ARHGAP24: variants seen among roughly 807,000 people sequenced by gnomAD.
ARHGAP24 encodes the protein rho GTPase-activating protein 24.
ARHGAP24 carries 50 observed loss-of-function variants against 76.4 expected under a neutral mutation model. The ratio of observed to expected loss-of-function variants is 0.65; its 90% CI spans 0.52 to 0.83. The LOEUF is 0.83. Ranked by LOEUF, ARHGAP24 falls within the 40% of genes least tolerant of loss-of-function variation. The pLI, the probability that ARHGAP24 is intolerant of heterozygous loss-of-function variation, is 0.00. For missense variants in ARHGAP24, 930 were observed against 914.2 expected, an observed-to-expected ratio of 1.02 and a Z score of -0.22; for synonymous variants, 345 against 323.3, an observed-to-expected ratio of 1.07 and a Z score of -0.72.
intron 3 of ARHGAP24, among the ~76,000 whole-genome samples, chr4:85,822,872 G>T (rs1431778142): frequency 6.6e-6 from 1 of 152,094 alleles, no homozygotes; most frequent in Non-Finnish European, 1.5e-5. Flanking sequence ...GAAGTCCAAA[G>T]TACACTATAT....
intron 3 of ARHGAP24, among the ~76,000 whole-genome samples, chr4:85,777,070 G>A (rs1226933345): frequency 6.6e-6 from 1 of 152,096 alleles, no homozygotes; most frequent in East Asian, 1.9e-4. Flanking sequence ...CTGTCATTGT[G>A]TCAAAAACCA....
At chr4:85,754,606 A>C (rs1439096083) in intron 3 of ARHGAP24, among the ~76,000 whole-genome samples, 4 of 152,232 alleles carry the variant, frequency 2.6e-5, no homozygotes, top group East Asian at 1.9e-4. Context: ...TCCCACTTAG[A>C]ATTCTGGGAA....
intron 2 of ARHGAP24, among the ~76,000 whole-genome samples, chr4:85,586,168 A>G (rs796265433): frequency 1.6e-4 from 24 of 152,058 alleles, no homozygotes; most frequent in South Asian, 6.2e-4. Context: ...CTTTTAGCCA[A>G]TTGCTATGGT....
At chr4:85,857,460 G>C (rs894133113) in intron 3 of ARHGAP24, among the ~76,000 whole-genome samples, 1 of 152,198 alleles carries the variant, frequency 6.6e-6, no homozygotes, top group Non-Finnish European at 1.5e-5. Flanking sequence ...TTAAGAAAGT[G>C]TGGGTTATCA....
chr4:85,612,284 G>A (rs1036275740), intron 2 of ARHGAP24, among the ~76,000 whole-genome samples: 11 of 152,094 alleles, frequency 7.2e-5, no homozygotes, highest in African/African-American at 2.4e-4. Flanking sequence ...GGGCGTGGTG[G>A]TGGGCGCCTG....
At chr4:85,618,780 A>G (rs1161906736) in intron 2 of ARHGAP24, among the ~76,000 whole-genome samples, 5 of 152,040 alleles carry the variant, frequency 3.3e-5, no homozygotes, top group Non-Finnish European at 7.4e-5. Context: ...TTGTCTTCCT[A>G]TGTGAAATGT....
chr4:85,625,420 C>G (rs1468015249), intron 2 of ARHGAP24, among the ~76,000 whole-genome samples: 3 of 152,148 alleles, frequency 2.0e-5, no homozygotes, highest in African/African-American at 7.2e-5. Flanking sequence ...AGTTTGATTG[C>G]ACTGTTGTCT....
intron 2 of ARHGAP24, among the ~76,000 whole-genome samples, chr4:85,668,392 G>A (rs1722713162): frequency 1.3e-5 from 2 of 151,846 alleles, no homozygotes; most frequent in South Asian, 4.1e-4. Context: ...AGCCACAGGG[G>A]CTACTAGGAG....
At chr4:85,567,781 C>T (rs1277896813) in intron 1 of ARHGAP24, among the ~76,000 whole-genome samples, 1 of 152,134 alleles carries the variant, frequency 6.6e-6, no homozygotes, top group East Asian at 1.9e-4. Flanking sequence ...GAATTTTAAT[C>T]ATTTTATTTC....
At chr4:85,559,041 A>T (rs893196865) in intron 1 of ARHGAP24, among the ~76,000 whole-genome samples, 1 of 152,190 alleles carries the variant, frequency 6.6e-6, no homozygotes, top group Non-Finnish European at 1.5e-5. Flanking sequence ...CATCAGGGAA[A>T]GTGCTGGAGG....
intron 2 of ARHGAP24, among the ~76,000 whole-genome samples, chr4:85,698,088 A>C (rs1027603199): frequency 6.6e-6 from 1 of 152,236 alleles, no homozygotes; most frequent in Non-Finnish European, 1.5e-5. Flanking sequence ...ACTAGCCAGC[A>C]GTATCTACTT....
At chr4:85,891,205 C>G (rs912329963) in intron 3 of ARHGAP24, among the ~76,000 whole-genome samples, 4 of 152,130 alleles carry the variant, frequency 2.6e-5, no homozygotes, top group African/African-American at 4.8e-5. Context: ...AAATTTCAAA[C>G]AAGATTTCAG....
intron 2 of ARHGAP24, among the ~76,000 whole-genome samples, chr4:85,636,192 T>C (rs1490189233): frequency 2.0e-5 from 3 of 151,848 alleles, no homozygotes; most frequent in African/African-American, 7.2e-5. Flanking sequence ...CTTGTTTTTT[T>C]TTAACGCATC....
intron 2 of ARHGAP24, among the ~76,000 whole-genome samples, chr4:85,604,902 CG>C (rs1720142611): frequency 6.6e-6 from 1 of 151,654 alleles, no homozygotes; most frequent in Non-Finnish European, 1.5e-5. Context: ...TTAGTAGAAA[CG>C]GGGTTTCACC....
At chr4:85,608,551 GTTTTTTTT>G (rs141361475) in intron 2 of ARHGAP24, among the ~76,000 whole-genome samples, 3 of 73,186 alleles carry the variant, frequency 4.1e-5, no homozygotes, top group Non-Finnish European at 7.3e-5. Flanking sequence ...TTGTTTGGTT[GTTTTTTTT>G]TTTTTTTTTT....
rs1737385973 is a variant in ARHGAP24, at chr4:85,947,919, TA to T, written c.599+5650del. On this transcript the variant is annotated intron_variant, in intron 5 of 9. Coordinates refer to ENST00000395184, the MANE Select transcript of ARHGAP24 (RefSeq NM_001025616.3). ...AAGAAAACAGGATCAATTAATTGAT[TA>T]AAACCATGCCTTTTACAAAAAGTAT... Among the ~76,000 whole-genome samples the T allele has an allele frequency of 3.9e-5, 6 of 152,284 alleles. No individual in the cohort carries two copies. The South Asian group carries it at 1.2e-3, about 32-fold the overall frequency.
At chr4:85,606,702 G>A (rs1720207394) in intron 2 of ARHGAP24, among the ~76,000 whole-genome samples, 1 of 152,010 alleles carries the variant, frequency 6.6e-6, no homozygotes, top group Non-Finnish European at 1.5e-5. Context: ...CTAACTGACA[G>A]GCACTATTCC....
intron 2 of ARHGAP24, among the ~76,000 whole-genome samples, chr4:85,577,338 A>G (rs1428161644): frequency 1.3e-5 from 2 of 151,984 alleles, no homozygotes; most frequent in African/African-American, 4.8e-5. Flanking sequence ...TTTGCTTCAA[A>G]CAACTATTTA....
intron 1 of ARHGAP24, among the ~76,000 whole-genome samples, chr4:85,546,004 TA>T (rs1725907545): frequency 1.3e-5 from 2 of 152,204 alleles, no homozygotes; most frequent in Non-Finnish European, 2.9e-5. Context: ...TTCAGATGTC[TA>T]ATTGTTTTAA....
Sources: allele counts gnomAD v4.1 joint callset (sites outside exome capture counted in the v4.1 genomes callset), GRCh38; gene constraint gnomAD v4.1.1; transcripts MANE v1.5; gene names NCBI Gene and HGNC (gene_info 2026-07-23, HGNC 2026-07-21).